BPIFC: variants seen among roughly 807,000 people sequenced by gnomAD.
BPIFC encodes BPI fold containing family C.
A neutral mutation model predicts 57.6 loss-of-function variants in BPIFC; 60 were observed. The observed-to-expected ratio is 1.04, with a 90% CI of 0.85 to 1.29. BPIFC has a LOEUF of 1.29. Among genes scored for constraint, BPIFC ranks in the 50% most tolerant of loss-of-function variants. BPIFC has a pLI of 0.00. For synonymous variants in BPIFC, 243 were observed against 224.5 expected (o/e 1.08, Z -0.74); for missense variants, 581 against 600.5 (o/e 0.97, Z 0.34).
chr22:32,425,560 A>G (rs1258415327), intron 13 of BPIFC, among the ~76,000 whole-genome samples: 4 of 152,172 alleles, frequency 2.6e-5, no homozygotes, highest in African/African-American at 9.7e-5. Context: ...GGCTATCTCT[A>G]AATTTGAAAT....
intron 8 of BPIFC, among the ~76,000 whole-genome samples, chr22:32,440,313 T>C (rs568824780): frequency 6.6e-6 from 1 of 151,764 alleles, no homozygotes; most frequent in Non-Finnish European, 1.5e-5. Context: ...TAAAAAAAAA[T>C]TTTTTTTATA....
At chr22:32,445,275 T>G (rs555642056) in intron 7 of BPIFC, among the ~76,000 whole-genome samples, 4 of 152,270 alleles carry the variant, frequency 2.6e-5, no homozygotes, top group African/African-American at 9.6e-5. Context: ...CGGTGGCTCA[T>G]GCCTGTAATC....
chr22:32,446,688 C>G, intron 5 of BPIFC: 1 of 942,994 alleles, frequency 1.1e-6, no homozygotes, highest in Non-Finnish European at 1.3e-6. Flanking sequence ...AACATTACAC[C>G]CAGAACAGTG....
chr22:32,446,493 GAATA>G (rs1934733811), intron 5 of BPIFC, among the ~76,000 whole-genome samples: 1 of 152,190 alleles, frequency 6.6e-6, no homozygotes, highest in Admixed American at 6.5e-5. Context: ...ATGAGTCATT[GAATA>G]AATGAATGAA....
intron 13 of BPIFC, among the ~76,000 whole-genome samples, chr22:32,427,493 G>A (rs764630682): frequency 7.2e-5 from 11 of 152,032 alleles, no homozygotes; most frequent in East Asian, 1.9e-4. Flanking sequence ...CCTGTGCCCC[G>A]CCCCGCATCA....
intron 13 of BPIFC, among the ~76,000 whole-genome samples, chr22:32,426,661 G>C (rs576630889): frequency 6.6e-6 from 1 of 152,166 alleles, no homozygotes; most frequent in Admixed American, 6.5e-5. Context: ...GGAGGCCGAG[G>C]CGGGTGGATC....
chr22:32,432,569 A>C lies in BPIFC; in HGVS notation c.979-26T>G, dbSNP rs200322407. On this transcript the variant is annotated intron_variant, in intron 11 of 16. Coordinates refer to ENST00000300399, the MANE Select transcript of BPIFC (RefSeq NM_174932.3). ...CTGCCCACATTCCGAGAAAGAAATAAAGATTGTGAGGCGTGAGTTGGTGAA... is the reference window on the plus strand; with the variant it reads ...CTGCCCACATTCCGAGAAAGAAATACAGATTGTGAGGCGTGAGTTGGTGAA... The C allele has an allele frequency of 5.3e-5, 85 of 1,610,066 alleles. 1 individual carries two copies. The highest frequency in any genetic ancestry group is 4.0e-5 in the African/African-American group (3 of 74,952).
At chr22:32,456,790 T>A (rs989901339) in intron 3 of BPIFC, among the ~76,000 whole-genome samples, 3 of 152,160 alleles carry the variant, frequency 2.0e-5, no homozygotes, top group Non-Finnish European at 4.4e-5. Context: ...CTTTTAACCT[T>A]TCAGTGTTTC....
At position 32,424,684 on chromosome 22, in the gene BPIFC, T is replaced by TTCTTCTTCTTCTTCC. The variant is rs1933981801; in HGVS notation, c.1218-5281_1218-5280insGGAAGAAGAAGAAGA. 2.2e-5 allele frequency among the ~76,000 whole-genome samples: 2 copies of TTCTTCTTCTTCTTCC among 91,788 alleles called. 1 individual carries two copies. The highest frequency in any genetic ancestry group is 7.2e-4 in the South Asian group (2 of 2,784). 60.2% of individuals were successfully genotyped at this position (91,788 alleles called of 152,430 possible). A position where few individuals can be genotyped will look rare whatever the true frequency, so the allele number is the denominator to read the frequency against. ...CTTCTTCTTCTTCTTCTTCTTCTTC[T>TTCTTCTTCTTCTTCC]TCTTCTTCCTCTTCTTCTTCCTCTT... On this transcript the variant is annotated intron_variant, in intron 13 of 16. Coordinates refer to ENST00000300399, the MANE Select transcript of BPIFC (RefSeq NM_174932.3).
rs1222759178 is a variant in BPIFC at position 32,435,829 on chromosome 22, G to A, written c.799C>T (p.Pro267Ser). ...TTGCTGCGTTCTGGGAGCACAAAAG[G>A]AACTGGTGAGAAGGGGGGGTCGGTG... is the stretch of plus-strand genomic sequence containing the variant. ...NLTDPPFSPV[P>S]FVLPERSNSM... Residue 267 changes from proline to serine, a missense_variant, in exon 10 of 17, where the codon CCT (proline) becomes TCT (serine). Pro to Ser is a moderately conservative substitution (Grantham distance 74, BLOSUM62 -1). Transcript: ENST00000300399. 11 of 1,614,150 alleles carry A rather than the reference G, an allele frequency of 6.8e-6. No individual in the cohort carries two copies. Among genetic ancestry groups the A allele is most frequent in the Non-Finnish European group, 7.6e-6 (9 of 1,180,026 alleles).
intron 7 of BPIFC, among the ~76,000 whole-genome samples, chr22:32,443,357 G>A (rs995970142): frequency 3.3e-5 from 5 of 152,072 alleles, no homozygotes; most frequent in African/African-American, 9.7e-5. Flanking sequence ...TAGAGACGGG[G>A]TTTCACCGTG....
At chr22:32,429,057 C>T in intron 13 of BPIFC, among the ~76,000 whole-genome samples, 1 of 152,048 alleles carries the variant, frequency 6.6e-6, no homozygotes, top group East Asian at 1.9e-4. Context: ...AGCTATTTTC[C>T]TCTTCCGGAT....
chr22:32,424,574 T>TTTCTTCTTCTTCTTCTTCTTCTTCTTC lies in BPIFC; in HGVS notation c.1218-5197_1218-5171dup, dbSNP rs148930460. ...TTCCTAAATCTTAAGTGTTATTTTC[T>TTTCTTCTTCTTCTTCTTCTTCTTCTTC]TTCTTCTTCTTCTTCTTCTTCTTCT... On this transcript the variant is annotated intron_variant, in intron 13 of 16. Coordinates refer to ENST00000300399, the MANE Select transcript of BPIFC (RefSeq NM_174932.3). 4.3e-4 allele frequency among the ~76,000 whole-genome samples: 30 copies of TTTCTTCTTCTTCTTCTTCTTCTTCTTC among 68,984 alleles called. 8 individuals carry two copies. The highest frequency in any genetic ancestry group is 6.9e-3 in the Middle Eastern group (1 of 144). The allele number at this position is 68,984 out of a possible 152,430, so 45.3% of individuals were successfully genotyped here. A position where few individuals can be genotyped will look rare whatever the true frequency, so the allele number is the denominator to read the frequency against.
At position 32,424,630 on chromosome 22, in the gene BPIFC, CTT is replaced by C. The variant is rs1403852347; in HGVS notation, c.1218-5228_1218-5227del. ...TCCTCCTCCTCCTCCTCCTCCTCCTCTTCTTCTTCTTCTCTTCTTCTTCTTCT... is the reference window on the plus strand; with the variant it reads ...TCCTCCTCCTCCTCCTCCTCCTCCTCCTTCTTCTTCTCTTCTTCTTCTTCT... On this transcript the variant is annotated intron_variant, in intron 13 of 16. Transcript: ENST00000300399. Among the ~76,000 whole-genome samples the C allele has an allele frequency of 8.9e-3, 530 of 59,524 alleles. 68 individuals are homozygous for C. The highest frequency in any genetic ancestry group is 0.033 in the East Asian group (80 of 2,394). The allele number at this position is 59,524 out of a possible 152,430, so 39.1% of individuals were successfully genotyped here. A position where few individuals can be genotyped will look rare whatever the true frequency, so the allele number is the denominator to read the frequency against.
chr22:32,459,865 T>A (rs907871459), intron 2 of BPIFC, among the ~76,000 whole-genome samples: 1 of 150,334 alleles, frequency 6.7e-6, no homozygotes, highest in Admixed American at 6.6e-5. Context: ...TAAAATAAAA[T>A]AAAATAAAAA....
At position 32,457,206 on chromosome 22, in the gene BPIFC, G is replaced by A. The variant is rs568560948; in HGVS notation, c.124+57C>T. 42 of 1,553,558 alleles carry A rather than the reference G, an allele frequency of 2.7e-5. No homozygotes were observed. The East Asian group carries it at 8.3e-4, about 31-fold the overall frequency. On this transcript the variant is annotated intron_variant, in intron 3 of 16. Transcript: ENST00000300399. ...CCCATGTTATGAGCTGTTCAGTTTG[G>A]GTCACAGACCCCACCTAGTGGGCCT...
Position 32,464,436 on chromosome 22 carries a change from A to T in BPIFC, c.-151T>A. On this transcript the variant is annotated 5_prime_UTR_variant, in exon 1 of 17. Coordinates refer to ENST00000300399, the MANE Select transcript of BPIFC (RefSeq NM_174932.3). ...TCGATTCTCTCTGCCTTTGAAGCTG[A>T]TGTGTTCTCCACCTTGCGCCTTAAA... is the stretch of plus-strand genomic sequence containing the variant. 2 of 985,276 alleles carry T rather than the reference A, an allele frequency of 2.0e-6. No homozygotes were observed. Among genetic ancestry groups the T allele is most frequent in the African/African-American group, 3.5e-5 (2 of 57,324 alleles). The allele number at this position is 985,276 out of a possible 1,614,324, so 61.0% of individuals were successfully genotyped here. A position where few individuals can be genotyped will look rare whatever the true frequency, so the allele number is the denominator to read the frequency against.
chr22:32,423,116 G>C (rs1221768718), intron 13 of BPIFC, among the ~76,000 whole-genome samples: 1 of 152,190 alleles, frequency 6.6e-6, no homozygotes. Flanking sequence ...AGGAAGATAA[G>C]GTTGGCCGGC....
intron 4 of BPIFC, 37 bp from the exon 5 acceptor site, chr22:32,447,377 C>T: frequency 1.9e-6 from 3 of 1,596,978 alleles, no homozygotes; most frequent in South Asian, 1.1e-5. Context: ...GGCGACTCTT[C>T]CAGCACATCT....
Sources: gnomAD v4.1 joint callset for allele counts (sites outside exome capture counted in the v4.1 genomes callset) on GRCh38, gnomAD v4.1.1 for gene constraint, MANE v1.5 for transcripts, NCBI Gene and HGNC (gene_info 2026-07-23, HGNC 2026-07-21) for gene names.